PTPRT: variants seen among roughly 807,000 people sequenced by gnomAD.
PTPRT encodes the protein receptor-type tyrosine-protein phosphatase T.
Under a neutral mutation model 176.8 loss-of-function variants are expected in PTPRT, and 56 were observed. The observed-to-expected ratio is 0.32, with a 90% CI of 0.26 to 0.40. The LOEUF is 0.40. PTPRT is among the 10% of genes least tolerant of loss of function. The probability of loss-of-function intolerance (pLI) is 1.00; values close to 1 mark genes in which losing one functional copy is unlikely to be tolerated. For missense variants in PTPRT, 1,540 were observed against 1,908.2 expected (o/e 0.81, Z 3.60); for synonymous variants, 783 against 739.0 (o/e 1.06, Z -0.96).
intron 6 of PTPRT, among the ~76,000 whole-genome samples, chr20:42,728,496 AG>A (rs953440318): frequency 3.9e-5 from 6 of 152,220 alleles, no homozygotes; most frequent in Admixed American, 6.5e-5. Context: ...CTGAAGCCAC[AG>A]CCTGGCTCCT....
intron 9 of PTPRT, among the ~76,000 whole-genome samples, chr20:42,354,309 C>CT (rs1405412331): frequency 6.6e-6 from 1 of 152,036 alleles, no homozygotes; most frequent in Non-Finnish European, 1.5e-5. Context: ...ATGAAACGCG[C>CT]TTTTTTGTTT....
chr20:43,052,666 C>T (rs144068323), intron 1 of PTPRT, among the ~76,000 whole-genome samples: 1 of 152,262 alleles, frequency 6.6e-6, no homozygotes, highest in African/African-American at 2.4e-5. Context: ...TATGATTCAC[C>T]AGCTTAAAAT....
At chr20:43,154,453 G>GA (rs2014456599) in intron 1 of PTPRT, among the ~76,000 whole-genome samples, 1 of 152,234 alleles carries the variant, frequency 6.6e-6, no homozygotes, top group South Asian at 2.1e-4. Context: ...CAGGTAGTGT[G>GA]ATGCCTCCAG....
chr20:42,485,290 G>A (rs144133750), intron 7 of PTPRT, among the ~76,000 whole-genome samples: 127 of 152,232 alleles, frequency 8.3e-4, no homozygotes, highest in African/African-American at 2.9e-3. Context: ...ATGGCAAGTC[G>A]CTTTATTCAT....
At chr20:42,315,702 C>T in intron 12 of PTPRT, 21 bp downstream of exon 12, 8 of 1,606,066 alleles carry the variant, frequency 5.0e-6, no homozygotes, top group Non-Finnish European at 6.8e-6. Flanking sequence ...CAAGGAATGG[C>T]CTCCATGTGG....
At chr20:42,504,698 T>C (rs1280048332) in intron 7 of PTPRT, among the ~76,000 whole-genome samples, 2 of 152,182 alleles carry the variant, frequency 1.3e-5, no homozygotes, top group Non-Finnish European at 2.9e-5. Flanking sequence ...AAATGTAACA[T>C]TTTCACATTT....
At chr20:42,135,361 T>G (rs1988321725) in intron 18 of PTPRT, among the ~76,000 whole-genome samples, 1 of 152,268 alleles carries the variant, frequency 6.6e-6, no homozygotes, top group Non-Finnish European at 1.5e-5. Context: ...TTTGTTTTTA[T>G]TCTAGACCTG....
At chr20:42,972,070 C>A (rs1982676785) in intron 1 of PTPRT, among the ~76,000 whole-genome samples, 1 of 150,514 alleles carries the variant, frequency 6.6e-6, no homozygotes, top group South Asian at 2.1e-4. Context: ...GGTAGGTAGT[C>A]AAAGAAGGCC....
intron 15 of PTPRT, among the ~76,000 whole-genome samples, chr20:42,204,684 G>A (rs1430272734): frequency 1.3e-5 from 2 of 152,138 alleles, no homozygotes; most frequent in Non-Finnish European, 2.9e-5. Flanking sequence ...CTGAGGGAGG[G>A]GTAGGTGGCA....
chr20:43,087,861 G>T (rs1361125562), intron 1 of PTPRT, among the ~76,000 whole-genome samples: 2 of 152,122 alleles, frequency 1.3e-5, no homozygotes, highest in African/African-American at 4.8e-5. Flanking sequence ...CTCAGTGGGG[G>T]CACAACACAG....
chr20:42,286,502 AGTG>A (rs1445043038), intron 12 of PTPRT, among the ~76,000 whole-genome samples: 2 of 151,984 alleles, frequency 1.3e-5, no homozygotes, highest in Non-Finnish European at 2.9e-5. Context: ...GTCTTCAATA[AGTG>A]GTGCTAAGAA....
intron 1 of PTPRT, among the ~76,000 whole-genome samples, chr20:42,974,110 C>T (rs1294766918): frequency 2.0e-5 from 3 of 152,106 alleles, no homozygotes; most frequent in Non-Finnish European, 4.4e-5. Context: ...ACCCATATCC[C>T]GCCAACCAGC....
intron 1 of PTPRT, among the ~76,000 whole-genome samples, chr20:43,110,658 G>C (rs188919910): frequency 1.3e-5 from 2 of 152,246 alleles, no homozygotes; most frequent in Admixed American, 1.3e-4. Context: ...TGTATATATG[G>C]TTTTTTCAGT....
intron 1 of PTPRT, among the ~76,000 whole-genome samples, chr20:43,103,553 T>TC (rs58662958): frequency 0.043 from 6,487 of 152,186 alleles, 475 homozygotes; most frequent in African/African-American, 0.15. Context: ...CTTTGGACCC[T>TC]CTATTCTTTG....
chr20:42,252,749 C>A, intron 13 of PTPRT, among the ~76,000 whole-genome samples: 1 of 152,168 alleles, frequency 6.6e-6, no homozygotes, highest in East Asian at 1.9e-4. Context: ...AAAGAACATA[C>A]TTGAGGGCCA....
At chr20:42,728,816 G>A (rs891398178) in intron 6 of PTPRT, among the ~76,000 whole-genome samples, 5 of 152,100 alleles carry the variant, frequency 3.3e-5, no homozygotes, top group African/African-American at 1.2e-4. Context: ...GCCAGGCCAC[G>A]AGCACCTTTG....
intron 1 of PTPRT, among the ~76,000 whole-genome samples, chr20:43,138,358 G>A (rs575495356): frequency 1.1e-4 from 16 of 152,344 alleles, no homozygotes; most frequent in Admixed American, 6.5e-4. Flanking sequence ...GGCGTGGCTC[G>A]GAGCCAGCAC....
the PTPRT span, among the ~76,000 whole-genome samples, chr20:42,041,145 G>C: frequency 6.6e-6 from 1 of 152,130 alleles, no homozygotes; most frequent in Non-Finnish European, 1.5e-5. Flanking sequence ...TTTAACCAAG[G>C]CTCTGCTGTC....
chr20:42,986,106 G>T (rs1600623604), intron 1 of PTPRT, among the ~76,000 whole-genome samples: 3 of 152,322 alleles, frequency 2.0e-5, no homozygotes, highest in Admixed American at 2.0e-4. Flanking sequence ...GGAAAAAAAG[G>T]ATCTTAATAT....
Sources: allele counts gnomAD v4.1 joint callset (sites outside exome capture counted in the v4.1 genomes callset), GRCh38; gene constraint gnomAD v4.1.1; transcripts MANE v1.5; gene names NCBI Gene and HGNC (gene_info 2026-07-23, HGNC 2026-07-21).